APOL3: variants seen among roughly 807,000 people sequenced by gnomAD.
APOL3 encodes the protein TNF-inducible protein CG12-1.
A neutral mutation model predicts 11.6 loss-of-function variants in APOL3; 14 were observed. The ratio of observed to expected loss-of-function variants is 1.21; its 90% confidence interval spans 0.80 to 1.89. The LOEUF (loss-of-function observed/expected upper bound fraction) is 1.89, where lower values mean the gene tolerates loss of function less well. Among genes scored for constraint, APOL3 ranks in the 40% most tolerant of loss-of-function variants. The probability of loss-of-function intolerance (pLI) is 0.00; values close to 1 mark genes in which losing one functional copy is unlikely to be tolerated. For missense variants in APOL3, 483 were observed against 492.1 expected (o/e 0.98, Z 0.17); for synonymous variants, 192 against 190.6 (o/e 1.01, Z -0.06).
At chr22:36,158,713 G>A (rs1473225209) in intron 1 of APOL3, among the ~76,000 whole-genome samples, 7 of 152,156 alleles carry the variant, frequency 4.6e-5, no homozygotes, top group Non-Finnish European at 1.0e-4. Flanking sequence ...CAGCTACTCA[G>A]GAGGGTGAGC....
intron 1 of APOL3, among the ~76,000 whole-genome samples, chr22:36,147,466 G>T (rs1451255978): frequency 6.6e-6 from 1 of 152,176 alleles, no homozygotes; most frequent in African/African-American, 2.4e-5. Context: ...GAGCCTCCCA[G>T]CCAAGCCCTT....
At chr22:36,147,106 T>C (rs561774832) in intron 1 of APOL3, among the ~76,000 whole-genome samples, 28 of 152,322 alleles carry the variant, frequency 1.8e-4, no homozygotes, top group African/African-American at 6.3e-4. Flanking sequence ...GAAGACTCCA[T>C]ATATTTTGAA....
chr22:36,161,003 G>C (rs1000735623), upstream of APOL3: 2 of 937,510 alleles, frequency 2.1e-6, no homozygotes, highest in Non-Finnish European at 3.2e-6. Context: ...GGGGTTTGCT[G>C]TGTCTTCAGG....
In APOL3 at chr22:36,160,677, C is replaced by T. The variant is rs146065515; in HGVS notation, c.215G>A (p.Ser72Asn). The T allele has an allele frequency of 2.5e-6, 4 of 1,614,084 alleles. No homozygotes were observed. In the African/African-American group the frequency reaches 4.0e-5, roughly 16 times the overall value. The change falls in exon 1 of 3, where the codon AGC (serine) becomes AAC (asparagine). Residue 72 changes from serine to asparagine, a missense_variant. Coordinates refer to ENST00000349314, the Ensembl canonical transcript of APOL3. ...GACCACCCCTAACTTACCAAGGAAG[C>T]TTCTCTTGAAAGAGTGTGAGCAAGA...
exon 2 of APOL3, chr22:36,145,535 C>A: frequency 1.2e-6 from 2 of 1,614,212 alleles, no homozygotes; most frequent in Non-Finnish European, 1.7e-6. Flanking sequence ...GCAGGATTTG[C>A]AGATGCACTG....
At chr22:36,154,523 C>A in intron 1 of APOL3, 1 of 437,472 alleles carries the variant, frequency 2.3e-6, no homozygotes. Context: ...GGATATTTTT[C>A]CTTCTATTTA....
chr22:36,157,111 G>C (rs1237371046), intron 1 of APOL3: 1 of 434,086 alleles, frequency 2.3e-6, no homozygotes, highest in Non-Finnish European at 4.7e-6. Flanking sequence ...GTCCTCCCCA[G>C]TCTTATTACT....
intron 2 of APOL3, among the ~76,000 whole-genome samples, chr22:36,145,143 T>C (rs1248086717): frequency 2.0e-5 from 3 of 152,232 alleles, no homozygotes; most frequent in African/African-American, 7.2e-5. Context: ...CTAAATACTT[T>C]ACATGCATTA....
chr22:36,143,261 G>C (rs978909983), intron 2 of APOL3, among the ~76,000 whole-genome samples: 1 of 152,188 alleles, frequency 6.6e-6, no homozygotes, highest in African/African-American at 2.4e-5. Flanking sequence ...AGAACACAGC[G>C]TCCTGAGGAC....
intron 1 of APOL3, among the ~76,000 whole-genome samples, chr22:36,157,848 G>T (rs1351758200): frequency 3.9e-5 from 6 of 152,114 alleles, no homozygotes; most frequent in Non-Finnish European, 8.8e-5. Flanking sequence ...TCAGGAGTTC[G>T]AGACCAGCCT....
At position 36,143,212 on chromosome 22, in the gene APOL3, T is replaced by C. The variant is rs186521668; in HGVS notation, c.351-1154A>G. 3.0e-3 allele frequency among the ~76,000 whole-genome samples: 463 copies of C among 152,346 alleles called. 3 individuals are homozygous for C. Among genetic ancestry groups the C allele is most frequent in the Non-Finnish European group, 4.2e-3 (286 of 68,030 alleles). ...CCTTAACTGGGTGAGCTTCTCTGGT[T>C]GGCAACACCCCATGTGTTTTGTCCC... On this transcript the variant is annotated intron_variant, in intron 2 of 2. Transcript: ENST00000349314.
At chr22:36,149,356 G>T in intron 1 of APOL3, 1 of 1,306,450 alleles carries the variant, frequency 7.7e-7, no homozygotes, top group African/African-American at 1.5e-5. Flanking sequence ...TCACACCAAG[G>T]CAGGGTCCTT....
chr22:36,151,535 T>A (rs1300853879), intron 1 of APOL3, among the ~76,000 whole-genome samples: 1 of 151,654 alleles, frequency 6.6e-6, no homozygotes, highest in East Asian at 1.9e-4. Flanking sequence ...AGGACAAGAT[T>A]CAAAAAGATA....
At chr22:36,161,925 C>T (rs888958890), upstream of APOL3, among the ~76,000 whole-genome samples, 6 of 152,112 alleles carry the variant, frequency 3.9e-5, no homozygotes, top group Admixed American at 1.3e-4. Flanking sequence ...AAGACTGCAT[C>T]CTTCAAATAA....
At chr22:36,152,248 G>A (rs1556609306) in intron 1 of APOL3, among the ~76,000 whole-genome samples, 2 of 152,266 alleles carry the variant, frequency 1.3e-5, no homozygotes, top group East Asian at 1.9e-4. Flanking sequence ...AACAGTACAA[G>A]AGGGGGAAAA....
intron 2 of APOL3, among the ~76,000 whole-genome samples, chr22:36,144,322 G>A: frequency 6.6e-6 from 1 of 151,994 alleles, no homozygotes; most frequent in East Asian, 1.9e-4. Flanking sequence ...CCTGACCCCT[G>A]GCTCTGCCCC....
exon 3 of APOL3, chr22:36,141,139 C>T (rs1569528545): frequency 6.4e-7 from 1 of 1,551,570 alleles, no homozygotes; most frequent in East Asian, 2.3e-5. Flanking sequence ...TAATAAAATG[C>T]CTGCATTTTG....
At chr22:36,163,802 A>G (rs1284995140), upstream of APOL3, among the ~76,000 whole-genome samples, 2 of 152,252 alleles carry the variant, frequency 1.3e-5, no homozygotes, top group Non-Finnish European at 2.9e-5. Flanking sequence ...ACTCCTATGT[A>G]AAACCACAGA....
At chr22:36,148,929 C>G (rs2060322006) in intron 1 of APOL3, 117 bp downstream of exon 2, 2 of 1,021,998 alleles carry the variant, frequency 2.0e-6, no homozygotes, top group African/African-American at 1.6e-5. Flanking sequence ...TCAGGGAAGA[C>G]TCATCGGCCT....
Sources: allele counts gnomAD v4.1 joint callset (sites outside exome capture counted in the v4.1 genomes callset), GRCh38; gene constraint gnomAD v4.1.1; transcripts MANE v1.5; gene names NCBI Gene and HGNC (gene_info 2026-07-23, HGNC 2026-07-21).